The following BAZ2B variants were observed in gnomAD, a reference collection of about 807,000 sequenced individuals.
The protein encoded by BAZ2B is bromodomain adjacent to zinc finger domain 2B.
A neutral mutation model predicts 246.0 loss-of-function variants in BAZ2B; 91 were observed. The observed-to-expected ratio is 0.37, with a 90% CI of 0.31 to 0.44. The LOEUF is 0.44. Among genes scored for constraint, BAZ2B ranks in the 20% least tolerant of loss-of-function variants. The pLI, the probability that BAZ2B is intolerant of heterozygous loss-of-function variation, is 1.00. For synonymous variants in BAZ2B, 855 were observed against 860.0 expected, an observed-to-expected ratio of 0.99 and a Z score of 0.10; for missense variants, 2,332 against 2,533.7, an observed-to-expected ratio of 0.92 and a Z score of 1.71.
chr2:159,575,495 A>G (rs1685086916), intron 1 of BAZ2B, among the ~76,000 whole-genome samples: 1 of 152,194 alleles, frequency 6.6e-6, no homozygotes, highest in Non-Finnish European at 1.5e-5. Context: ...TAAGTTGAGA[A>G]GGCTTAACAA....
intron 3 of BAZ2B, chr2:159,461,178 TG>T (rs2076364227): frequency 6.6e-6 from 1 of 152,398 alleles, no homozygotes; most frequent in Admixed American, 6.6e-5. Context: ...AGACATTACT[TG>T]TTTTTTTTTT....
intron 32 of BAZ2B, 93 bp from the exon 33 acceptor site, chr2:159,337,170 C>T (rs1029757791): frequency 1.4e-6 from 2 of 1,437,826 alleles, no homozygotes; most frequent in African/African-American, 2.9e-5. Flanking sequence ...CAAGCAATGA[C>T]AAAAACATGT....
chr2:159,350,534 A>AAC (rs1479960219), intron 27 of BAZ2B, among the ~76,000 whole-genome samples, 177 bp from the exon 28 acceptor site: 4 of 150,866 alleles, frequency 2.7e-5, no homozygotes, highest in African/African-American at 7.4e-5. Flanking sequence ...CTGGAAAATT[A>AAC]ACATATATAT....
At chr2:159,560,445 T>TG (rs1479951208) in intron 1 of BAZ2B, among the ~76,000 whole-genome samples, 5 of 152,346 alleles carry the variant, frequency 3.3e-5, no homozygotes, top group Admixed American at 3.3e-4. Flanking sequence ...GTGCTATTTG[T>TG]AGACTGTATC....
At chr2:159,331,271 T>C (rs958577507) in intron 34 of BAZ2B, among the ~76,000 whole-genome samples, 6 of 152,194 alleles carry the variant, frequency 3.9e-5, no homozygotes, top group African/African-American at 1.4e-4. Flanking sequence ...ATGACTTCCA[T>C]TTTCTCAGTT....
At chr2:159,395,939 T>TGAG in intron 19 of BAZ2B, 105 bp from the exon 20 acceptor site, 1 of 954,856 alleles carries the variant, frequency 1.0e-6, no homozygotes, top group South Asian at 1.7e-5. Context: ...CAGTATAGCA[T>TGAG]GTTTAGCATT....
intron 4 of BAZ2B, among the ~76,000 whole-genome samples, chr2:159,451,356 A>G (rs2075068453): frequency 6.6e-6 from 1 of 152,214 alleles, no homozygotes; most frequent in South Asian, 2.1e-4. Context: ...ATTCCTCATT[A>G]AAAACTCCTA....
chr2:159,610,470 G>A (rs1694475233), intron 1 of BAZ2B, among the ~76,000 whole-genome samples: 1 of 152,172 alleles, frequency 6.6e-6, no homozygotes, highest in African/African-American at 2.4e-5. Context: ...TTTGATTAAT[G>A]AGTGCATGTT....
intron 1 of BAZ2B, among the ~76,000 whole-genome samples, chr2:159,589,852 TAAG>T (rs1382002119): frequency 2.6e-5 from 4 of 152,070 alleles, no homozygotes; most frequent in Non-Finnish European, 4.4e-5. Flanking sequence ...TAATGTAGTC[TAAG>T]AAGAATTTCC....
rs755869358 is a variant in BAZ2B, at chr2:159,347,611, G to C, written c.5329C>G (p.Gln1777Glu). ...IIELNENEEN[Q>E]VTRDIVENWS... ...TTCTCCACAATATCTCGAGTTACTT[G>C]GTTTTCTTCATTTTCATTCAGTTCA... The change falls in exon 31 of 37, where the codon CAA becomes GAA. Residue 1777 changes from glutamine to glutamate, a missense_variant. Physicochemically the swap from Gln to Glu is conservative, Grantham distance 29. Transcript: ENST00000392783. 7 of 1,611,526 alleles carry C rather than the reference G, an allele frequency of 4.3e-6. No individual in the cohort carries two copies. In the South Asian group the frequency reaches 7.7e-5, roughly 18 times the overall value.
chr2:159,586,052 G>C (rs1050384472), intron 1 of BAZ2B, among the ~76,000 whole-genome samples: 1 of 152,148 alleles, frequency 6.6e-6, no homozygotes, highest in African/African-American at 2.4e-5. Context: ...GAATGTACAA[G>C]TCAGTCATTT....
chr2:159,386,285 T>C (rs2062648473), intron 22 of BAZ2B, 68 bp downstream of exon 22: 2 of 1,412,976 alleles, frequency 1.4e-6, no homozygotes, highest in African/African-American at 1.5e-5. Context: ...TCTGCTAATA[T>C]GCTAAAGCTA....
chr2:159,428,227 T>C, intron 12 of BAZ2B, 84 bp downstream of exon 12: 2 of 1,247,710 alleles, frequency 1.6e-6, no homozygotes, highest in Non-Finnish European at 2.3e-6. Flanking sequence ...AGGAACTTTA[T>C]CTGAGAAAGG....
At chr2:159,674,151 C>G in the BAZ2B span, among the ~76,000 whole-genome samples, 3 of 151,732 alleles carry the variant, frequency 2.0e-5, no homozygotes, top group South Asian at 6.2e-4. Context: ...CAAGACCAGC[C>G]TAGGCAACAT....
At chr2:159,447,019 G>T in intron 5 of BAZ2B, 44 bp from the exon 6 acceptor site, 2 of 1,357,674 alleles carry the variant, frequency 1.5e-6, no homozygotes, top group Non-Finnish European at 9.9e-7. Context: ...GAATATTATT[G>T]CATCATTTAA....
At chr2:159,573,278 A>T (rs1261791129) in intron 1 of BAZ2B, among the ~76,000 whole-genome samples, 1 of 152,220 alleles carries the variant, frequency 6.6e-6, no homozygotes, top group Non-Finnish European at 1.5e-5. Context: ...AAGCTATAGT[A>T]ATCAAAGCAG....
the BAZ2B span, among the ~76,000 whole-genome samples, chr2:159,703,857 C>T: frequency 6.6e-6 from 1 of 152,038 alleles, no homozygotes; most frequent in Non-Finnish European, 1.5e-5. Flanking sequence ...AGAACAAGAC[C>T]CTGTCTCAAA....
intron 1 of BAZ2B, among the ~76,000 whole-genome samples, chr2:159,582,804 C>T (rs998106938): frequency 8.5e-5 from 13 of 152,152 alleles, no homozygotes; most frequent in African/African-American, 2.9e-4. Flanking sequence ...TTAAAGACTT[C>T]CTAAGATATT....
chr2:159,683,122 T>C, the BAZ2B span, among the ~76,000 whole-genome samples: 2 of 152,222 alleles, frequency 1.3e-5, no homozygotes, highest in Non-Finnish European at 2.9e-5. Flanking sequence ...TAGGCTTTCC[T>C]TGGGCTGTCC....
Sources: allele counts gnomAD v4.1 joint callset (sites outside exome capture counted in the v4.1 genomes callset), GRCh38; gene constraint gnomAD v4.1.1; transcripts MANE v1.5; gene names NCBI Gene and HGNC (gene_info 2026-07-23, HGNC 2026-07-21).